The following GRM5 variants were observed in gnomAD, a reference collection of about 807,000 sequenced individuals.
GRM5 encodes metabotropic glutamate receptor 5.
A neutral mutation model predicts 83.1 loss-of-function variants in GRM5; 19 were observed. The ratio of observed to expected loss-of-function variants is 0.23; its 90% CI spans 0.16 to 0.34. The LOEUF (loss-of-function observed/expected upper bound fraction) is 0.34, where lower values mean the gene tolerates loss of function less well. Ranked by LOEUF, GRM5 falls within the 10% of genes least tolerant of loss-of-function variation. The pLI is 1.00. For synonymous variants in GRM5, 675 were observed against 633.6 expected (o/e 1.07, Z -0.98); for missense variants, 1,160 against 1,588.3 (o/e 0.73, Z 4.58).
At chr11:88,887,052 T>A (rs772247918) in intron 2 of GRM5, among the ~76,000 whole-genome samples, 9 of 152,102 alleles carry the variant, frequency 5.9e-5, no homozygotes, top group Non-Finnish European at 1.3e-4. Context: ...ACCCAAACAC[T>A]CTAGCTAACC....
At chr11:88,607,493 C>T (rs981396264) in intron 4 of GRM5, among the ~76,000 whole-genome samples, 4 of 152,154 alleles carry the variant, frequency 2.6e-5, no homozygotes, top group Non-Finnish European at 5.9e-5. Flanking sequence ...CTTCCCTGCA[C>T]TCCAGCCTGT....
chr11:89,016,920 T>A (rs561007215), intron 2 of GRM5, among the ~76,000 whole-genome samples: 1 of 152,316 alleles, frequency 6.6e-6, no homozygotes, highest in South Asian at 2.1e-4. Context: ...GAGTACATGA[T>A]GAGAGTACTT....
In GRM5 at chr11:88,525,315, A is replaced by G; in HGVS notation, c.2720T>C (p.Met907Thr). The change falls in exon 9 of 10, where the codon ATG (methionine) becomes ACG (threonine). Residue 907 changes from methionine (M) to threonine (T), a missense_variant. Met to Thr is a moderately conservative substitution (Grantham distance 81). Around this residue, in one of 9 missense-constraint regions of GRM5, gnomAD observed 562 missense variants for 532.4 expected, o/e 1.06. Coordinates refer to ENST00000305447, the MANE Select transcript of GRM5 (RefSeq NM_001143831.3). ...GSMGNGGRAT[M>T]SSSNGKSVTW... ...CCACTCATAGTTTGCTTACCTGCTC[A>G]TTGTTGCTCTCCCACCATTCCCCAT... 1 of 1,595,032 alleles carries G rather than the reference A, an allele frequency of 6.3e-7. No individual in the cohort carries two copies. The highest frequency in any genetic ancestry group is 8.6e-7 in the Non-Finnish European group (1 of 1,162,816).
At chr11:88,650,838 A>G (rs1265913998) in intron 4 of GRM5, among the ~76,000 whole-genome samples, 1 of 151,984 alleles carries the variant, frequency 6.6e-6, no homozygotes, top group Non-Finnish European at 1.5e-5. Context: ...TTAAGTTCCA[A>G]TGTTTAATAG....
At chr11:88,879,220 G>C (rs887062625) in intron 2 of GRM5, among the ~76,000 whole-genome samples, 88 of 152,030 alleles carry the variant, frequency 5.8e-4, no homozygotes, top group Non-Finnish European at 3.5e-4. Flanking sequence ...AAATTGAATA[G>C]ATTAAATAGA....
At chr11:88,707,911 T>A (rs924964561) in intron 3 of GRM5, among the ~76,000 whole-genome samples, 1 of 152,080 alleles carries the variant, frequency 6.6e-6, no homozygotes, top group Non-Finnish European at 1.5e-5. Flanking sequence ...TACAAACTTA[T>A]AATTACTCTG....
chr11:89,012,135 C>G (rs186908818), intron 2 of GRM5, among the ~76,000 whole-genome samples: 2 of 151,638 alleles, frequency 1.3e-5, no homozygotes, highest in Non-Finnish European at 2.9e-5. Context: ...ATGGAAGAGA[C>G]AAAAGAAGAA....
chr11:88,721,444 C>A (rs1275368611), intron 3 of GRM5, among the ~76,000 whole-genome samples: 1 of 152,008 alleles, frequency 6.6e-6, no homozygotes, highest in Non-Finnish European at 1.5e-5. Flanking sequence ...AAAGTTAGAC[C>A]ACTCTTCTTA....
At chr11:88,534,989 C>T (rs1366523078) in intron 8 of GRM5, among the ~76,000 whole-genome samples, 3 of 152,144 alleles carry the variant, frequency 2.0e-5, no homozygotes, top group Admixed American at 2.0e-4. Flanking sequence ...GGACTTGCTT[C>T]TCCTTGCCTT....
chr11:88,766,891 G>T (rs979009226), intron 3 of GRM5, among the ~76,000 whole-genome samples: 2 of 151,918 alleles, frequency 1.3e-5, no homozygotes, highest in African/African-American at 4.8e-5. Context: ...AATGGGCAAA[G>T]GATGTGAACA....
intron 3 of GRM5, among the ~76,000 whole-genome samples, chr11:88,723,084 G>A (rs774748861): frequency 2.0e-5 from 3 of 151,404 alleles, no homozygotes; most frequent in African/African-American, 4.9e-5. Context: ...TGTTTCCATA[G>A]TTTTTCTTTA....
At chr11:88,797,986 C>T (rs1352126476) in intron 3 of GRM5, among the ~76,000 whole-genome samples, 2 of 151,868 alleles carry the variant, frequency 1.3e-5, no homozygotes, top group East Asian at 1.9e-4. Context: ...GCTGATTTTT[C>T]CTTCCATGCA....
intron 3 of GRM5, among the ~76,000 whole-genome samples, chr11:88,749,144 C>A (rs1056441637): frequency 1.3e-5 from 2 of 152,110 alleles, no homozygotes; most frequent in East Asian, 3.9e-4. Context: ...TAATAACGAA[C>A]TTCACTGAAC....
intron 2 of GRM5, among the ~76,000 whole-genome samples, chr11:89,023,854 T>C (rs1941055804): frequency 5.3e-4 from 1 of 1,876 alleles, no homozygotes; most frequent in Non-Finnish European, 1.9e-3. Flanking sequence ...CATCTCTAAA[T>C]AAATAAATAA....
chr11:88,783,048 G>A (rs1438743247), intron 3 of GRM5, among the ~76,000 whole-genome samples: 2 of 152,068 alleles, frequency 1.3e-5, no homozygotes, highest in East Asian at 3.9e-4. Context: ...CAGAACTAAA[G>A]TCCGCCTGAC....
intron 2 of GRM5, among the ~76,000 whole-genome samples, chr11:88,879,913 G>A (rs1364728183): frequency 2.0e-5 from 3 of 152,168 alleles, no homozygotes; most frequent in Non-Finnish European, 4.4e-5. Flanking sequence ...GGTGGGGTGG[G>A]AGGAAACAAA....
intron 3 of GRM5, among the ~76,000 whole-genome samples, chr11:88,823,970 A>G (rs368368207): frequency 3.9e-5 from 6 of 152,210 alleles, no homozygotes; most frequent in Middle Eastern, 3.4e-3. Flanking sequence ...TCCATCTTCC[A>G]GAAGTAACTG....
chr11:88,740,401 T>C (rs537622418), intron 3 of GRM5, among the ~76,000 whole-genome samples: 4 of 152,110 alleles, frequency 2.6e-5, no homozygotes, highest in Admixed American at 1.3e-4. Flanking sequence ...TTAATAAGAC[T>C]ATTAAATATA....
chr11:88,937,612 C>T (rs1937942805), intron 2 of GRM5, among the ~76,000 whole-genome samples: 1 of 151,652 alleles, frequency 6.6e-6, no homozygotes, highest in South Asian at 2.1e-4. Flanking sequence ...CAAAATGTTT[C>T]CAAACAAATT....
Sources: gnomAD v4.1 joint callset for allele counts (sites outside exome capture counted in the v4.1 genomes callset) on GRCh38, gnomAD v4.1.1 for gene constraint, gnomAD v4.1.1 regional missense constraint, MANE v1.5 for transcripts, NCBI Gene and HGNC (gene_info 2026-07-23, HGNC 2026-07-21) for gene names.